BICC1: variants seen among roughly 807,000 people sequenced by gnomAD.
BICC1 encodes the protein BicC family RNA binding protein 1, also known as protein bicaudal C homolog 1.
A neutral mutation model predicts 111.0 loss-of-function variants in BICC1; 43 were observed. The observed-to-expected ratio is 0.39, with a 90% confidence interval of 0.30 to 0.50. The LOEUF (loss-of-function observed/expected upper bound fraction) is 0.50. Ranked by LOEUF, BICC1 falls within the 20% of genes least tolerant of loss-of-function variation. The probability of loss-of-function intolerance (pLI) is 0.88; values close to 1 mark genes in which losing one functional copy is unlikely to be tolerated. For synonymous variants in BICC1, 467 were observed against 434.4 expected (o/e 1.07, Z -0.93); for missense variants, 1,091 against 1,203.2 (o/e 0.91, Z 1.38).
intron 1 of BICC1, among the ~76,000 whole-genome samples, chr10:58,540,762 G>A (rs1842949024): frequency 6.6e-6 from 1 of 151,892 alleles, no homozygotes; most frequent in Admixed American, 6.6e-5. Context: ...ATTCTACAAG[G>A]TCAACATTAC....
chr10:58,776,230 T>G (rs1020864335), intron 3 of BICC1, among the ~76,000 whole-genome samples: 6 of 152,208 alleles, frequency 3.9e-5, no homozygotes, highest in Non-Finnish European at 5.9e-5. Flanking sequence ...CTAATGTGTG[T>G]GAACTCTTAA....
rs770689495 is a variant in BICC1 at position 58,787,118 on chromosome 10, A to C, written c.546+37A>C. On this transcript the variant is annotated intron_variant, in intron 5 of 20. Transcript: ENST00000373886. The stretch of plus-strand genomic sequence containing the variant: ...TTTCACATGAACTTTTATGGGATGA[A>C]TTACAGCCTTAATTTAATTTTCAGT... The C allele has an allele frequency of 3.3e-6, 5 of 1,497,460 alleles. No individual in the cohort carries two copies. The South Asian group carries it at 6.9e-5, about 21-fold the overall frequency. The allele number at this position is 1,497,460 out of a possible 1,614,324, so 92.8% of individuals were successfully genotyped here.
rs765565391 is a variant in BICC1, at chr10:58,807,062, C to A, written c.2280C>A (p.Gly760=). The change falls in exon 17 of 21, where the codon GGC becomes GGA. Residue 760 remains glycine, a synonymous_variant. Transcript: ENST00000373886. ...EVRTPTNTWS[G]LGFSKSMPAE... ...GAACGCCCACAAATACCTGGAGTGG[C>A]CTGGGTTTTTCTAAATCCATGCCAG... 9 of 1,613,752 alleles carry A rather than the reference C, an allele frequency of 5.6e-6. No homozygotes were observed. Among genetic ancestry groups the A allele is most frequent in the Non-Finnish European group, 7.6e-6 (9 of 1,179,890 alleles).
chr10:58,585,662 A>G (rs1374693066), intron 1 of BICC1, among the ~76,000 whole-genome samples: 1 of 152,142 alleles, frequency 6.6e-6, no homozygotes, highest in African/African-American at 2.4e-5. Context: ...CTTTTCTTTA[A>G]TAAGAAAGCA....
At chr10:58,601,168 A>ATATATATATATATCTATC (rs1182289120) in intron 1 of BICC1, among the ~76,000 whole-genome samples, 1 of 139,352 alleles carries the variant, frequency 7.2e-6, no homozygotes, top group Non-Finnish European at 1.5e-5. Context: ...ATATATATAT[A>ATATATATATATATCTATC]TATCTCCCAA....
chr10:58,754,033 G>A (rs993185208), intron 3 of BICC1, among the ~76,000 whole-genome samples: 2 of 152,022 alleles, frequency 1.3e-5, no homozygotes, highest in East Asian at 1.9e-4. Context: ...GAGGTATTAG[G>A]TGTATAAAAA....
chr10:58,733,733 C>A (rs1841386785), intron 3 of BICC1, among the ~76,000 whole-genome samples: 1 of 152,170 alleles, frequency 6.6e-6, no homozygotes, highest in Non-Finnish European at 1.5e-5. Context: ...TTGATCAGGG[C>A]CAGTTGGCCT....
intron 2 of BICC1, among the ~76,000 whole-genome samples, chr10:58,660,155 A>C (rs1769654640): frequency 6.6e-6 from 1 of 152,124 alleles, no homozygotes; most frequent in African/African-American, 2.4e-5. Context: ...AGGACTCCAA[A>C]TCACCAGGTG....
Position 58,700,009 on chromosome 10 carries a change from C to T in BICC1, c.238-2065C>T, listed in dbSNP as rs1271724269. 3.3e-5 allele frequency among the ~76,000 whole-genome samples: 5 copies of T among 152,288 alleles called. No individual in the cohort carries two copies. In the South Asian group the frequency reaches 1.0e-3, roughly 32 times the overall value. On this transcript the variant is annotated intron_variant, in intron 2 of 20. Transcript: ENST00000373886. ...ATGCAGCCTTATTTTTCTATCTTAT[C>T]TCTTTGAGAGTCTTAAGTAACTTAG...
intron 1 of BICC1, among the ~76,000 whole-genome samples, chr10:58,561,020 T>C (rs1187328611): frequency 2.0e-5 from 3 of 152,000 alleles, no homozygotes; most frequent in African/African-American, 7.2e-5. Flanking sequence ...TTGGATGAAA[T>C]GTTCTGTAAA....
intron 3 of BICC1, among the ~76,000 whole-genome samples, chr10:58,771,927 G>C (rs940747363): frequency 4.6e-5 from 7 of 152,144 alleles, no homozygotes; most frequent in Non-Finnish European, 1.0e-4. Context: ...TTTTCTCTCT[G>C]TCACTAAAAA....
chr10:58,618,553 C>T (rs561874486), intron 1 of BICC1, among the ~76,000 whole-genome samples: 48 of 152,312 alleles, frequency 3.2e-4, no homozygotes, highest in African/African-American at 1.1e-3. Context: ...AAAGCCATGT[C>T]ACAACTCCCC....
Position 58,788,663 on chromosome 10 carries a change from A to G in BICC1, c.600+240A>G, listed in dbSNP as rs1843083424. On this transcript the variant is annotated intron_variant, in intron 6 of 20. Coordinates refer to ENST00000373886, the MANE Select transcript of BICC1 (RefSeq NM_001080512.3). ...TTTTCACTGAAAATGTTTCTCAGAG[A>G]TGTTCTGGATTTTATCTGACTCAGT... Among the ~76,000 whole-genome samples, 5 of 152,116 alleles carry G rather than the reference A, an allele frequency of 3.3e-5. No homozygotes were observed. The South Asian group carries it at 1.0e-3, about 32-fold the overall frequency.
At chr10:58,765,895 A>C (rs1281358188) in intron 3 of BICC1, among the ~76,000 whole-genome samples, 1 of 152,216 alleles carries the variant, frequency 6.6e-6, no homozygotes, top group East Asian at 1.9e-4. Context: ...CAGGTGTTAC[A>C]GGGAGGGGTA....
chr10:58,806,420 C>G, intron 15 of BICC1, among the ~76,000 whole-genome samples, 164 bp from the exon 16 acceptor site: 1 of 151,936 alleles, frequency 6.6e-6, no homozygotes, highest in East Asian at 1.9e-4. Flanking sequence ...CATGTTTAAA[C>G]TTACAGACAT....
chr10:58,630,354 G>C (rs1837755318), intron 2 of BICC1, among the ~76,000 whole-genome samples: 1 of 152,198 alleles, frequency 6.6e-6, no homozygotes, highest in Non-Finnish European at 1.5e-5. Flanking sequence ...GGGGGAAAAA[G>C]ATGTTCCAGA....
intron 2 of BICC1, among the ~76,000 whole-genome samples, chr10:58,652,492 A>T (rs1018476524): frequency 2.6e-5 from 4 of 152,158 alleles, no homozygotes; most frequent in Admixed American, 6.6e-5. Context: ...TGATTACAGT[A>T]GTTACCAGAA....
chr10:58,726,505 G>A (rs1030411597), intron 3 of BICC1, among the ~76,000 whole-genome samples: 2 of 152,178 alleles, frequency 1.3e-5, no homozygotes, highest in Admixed American at 1.3e-4. Context: ...TCTTCACAGT[G>A]CTTAGAGCTT....
intron 2 of BICC1, among the ~76,000 whole-genome samples, chr10:58,667,945 A>T (rs757638075): frequency 2.0e-5 from 3 of 152,132 alleles, no homozygotes; most frequent in Non-Finnish European, 4.4e-5. Context: ...GCACATATTT[A>T]TGAAGTGTTC....
Sources: gnomAD v4.1 joint callset for allele counts (sites outside exome capture counted in the v4.1 genomes callset) on GRCh38, gnomAD v4.1.1 for gene constraint, MANE v1.5 for transcripts, NCBI Gene and HGNC (gene_info 2026-07-23, HGNC 2026-07-21) for gene names.